The following MSI2 variants were observed in gnomAD, a reference collection of about 807,000 sequenced individuals.
MSI2 encodes musashi RNA binding protein 2.
A neutral mutation model predicts 45.6 loss-of-function variants in MSI2; 17 were observed. That is an observed-to-expected ratio of 0.37 (90% CI 0.26 to 0.56). The LOEUF (loss-of-function observed/expected upper bound fraction) is 0.56, where lower values mean the gene tolerates loss of function less well. Ranked by LOEUF, MSI2 falls within the 20% of genes least tolerant of loss-of-function variation. The pLI is 0.77. For missense variants in MSI2, 293 were observed against 444.2 expected, an observed-to-expected ratio of 0.66 and a Z score of 3.06; for synonymous variants, 156 against 158.2, an observed-to-expected ratio of 0.99 and a Z score of 0.11.
chr17:57,477,475 C>T (rs1002845914), intron 6 of MSI2, among the ~76,000 whole-genome samples: 9 of 152,048 alleles, frequency 5.9e-5, no homozygotes, highest in Admixed American at 4.6e-4. Flanking sequence ...AGTAGTTAAC[C>T]GAAACCCATG....
At chr17:57,565,940 G>A (rs571850228) in intron 7 of MSI2, 68 of 152,292 alleles carry the variant, frequency 4.5e-4, no homozygotes, top group African/African-American at 1.5e-3. Flanking sequence ...AGCGATTTAC[G>A]AAGAGCAAAT....
chr17:57,387,277 C>T (rs1261524932), intron 5 of MSI2, among the ~76,000 whole-genome samples: 3 of 152,190 alleles, frequency 2.0e-5, no homozygotes, highest in Non-Finnish European at 2.9e-5. Context: ...AAGTTCCTGG[C>T]GGACTGAGTT....
intron 8 of MSI2, among the ~76,000 whole-genome samples, chr17:57,598,159 T>C (rs903294237): frequency 5.3e-5 from 8 of 152,188 alleles, no homozygotes; most frequent in Non-Finnish European, 1.2e-4. Flanking sequence ...GCAAAAACAT[T>C]TTGGTTGGCC....
rs554474213 is a variant in MSI2 at position 57,652,420 on chromosome 17, C to A, written c.790+259C>A. On this transcript the variant is annotated intron_variant, in intron 11 of 13. Coordinates refer to ENST00000284073, the MANE Select transcript of MSI2 (RefSeq NM_138962.4). This position sits in a 1 kb window ranked among gnomAD's most constrained non-coding sequence, Gnocchi z 4.1. ...ATTATTCTCTCCTTGAAAAAAAAAA[C>A]AAACCTGAGTTTCTTTTTGACTTTG... is the stretch of plus-strand genomic sequence containing the variant. 5.9e-5 allele frequency among the ~76,000 whole-genome samples: 9 copies of A among 151,694 alleles called. No individual in the cohort carries two copies. Among genetic ancestry groups the A allele is most frequent in the East Asian group, 5.8e-4 (3 of 5,172 alleles).
intron 7 of MSI2, among the ~76,000 whole-genome samples, chr17:57,565,255 G>A (rs2087699814): frequency 6.6e-6 from 1 of 152,206 alleles, no homozygotes; most frequent in Non-Finnish European, 1.5e-5. Flanking sequence ...AAGAGATCAT[G>A]CTGGATTTCC....
chr17:57,417,940 C>A (rs1259033893), intron 6 of MSI2, among the ~76,000 whole-genome samples: 3 of 152,188 alleles, frequency 2.0e-5, no homozygotes, highest in African/African-American at 7.2e-5. Flanking sequence ...TTGTTCCTTC[C>A]TCCCTGTGTC....
At chr17:57,658,538 G>A (rs1295874259) in intron 11 of MSI2, among the ~76,000 whole-genome samples, 2 of 152,176 alleles carry the variant, frequency 1.3e-5, no homozygotes, top group African/African-American at 4.8e-5. Flanking sequence ...CATTTTCCAA[G>A]GGCTTTCAGA....
intron 11 of MSI2, among the ~76,000 whole-genome samples, chr17:57,657,823 G>C (rs990467576): frequency 6.6e-6 from 1 of 152,118 alleles, no homozygotes. Context: ...TAAGCTTTAG[G>C]GTTCCCAGGT....
At chr17:57,551,069 T>A (rs1362863584) in intron 7 of MSI2, among the ~76,000 whole-genome samples, 1 of 152,158 alleles carries the variant, frequency 6.6e-6, no homozygotes, top group Non-Finnish European at 1.5e-5. Context: ...CTTCTCCCGG[T>A]GCTTTTTTGA....
downstream of MSI2, among the ~76,000 whole-genome samples, chr17:57,687,046 T>G (rs1339558289): frequency 6.7e-6 from 1 of 150,268 alleles, no homozygotes; most frequent in Non-Finnish European, 1.5e-5. Flanking sequence ...AATTAACATG[T>G]GGCTATAAAT....
chr17:57,389,209 C>A (rs896259831), intron 5 of MSI2, among the ~76,000 whole-genome samples: 3 of 152,098 alleles, frequency 2.0e-5, no homozygotes, highest in African/African-American at 7.2e-5. Flanking sequence ...AAACTCCTGA[C>A]CTCATGATCC....
rs11649815 is a variant in MSI2 at position 57,258,475 on chromosome 17, T to C, written c.270+121T>C. 3,442 of 876,172 alleles carry C rather than the reference T, an allele frequency of 3.9e-3. 9 individuals are homozygous for C. The highest frequency in any genetic ancestry group is 5.3e-3 in the Non-Finnish European group (2,832 of 529,858). The allele number at this position is 876,172 out of a possible 1,614,324, so 54.3% of individuals were successfully genotyped here. ...GTGCTAGAACTGGGTAGTTTTAAAC[T>C]GAGCTAGCGAGTTGGCTCAAAAGTT... On this transcript the variant is annotated intron_variant, in intron 4 of 13. Transcript: ENST00000284073.
chr17:57,516,243 C>T (rs2086467520), intron 6 of MSI2, among the ~76,000 whole-genome samples: 1 of 152,182 alleles, frequency 6.6e-6, no homozygotes, highest in Non-Finnish European at 1.5e-5. Flanking sequence ...TGATCTGTTC[C>T]TCATCACAAT....
intron 6 of MSI2, among the ~76,000 whole-genome samples, chr17:57,425,010 C>T (rs943189504): frequency 2.6e-5 from 4 of 152,108 alleles, no homozygotes; most frequent in South Asian, 2.1e-4. Context: ...GTTAGTCATC[C>T]GGCCCTGCAG....
At chr17:57,423,729 A>G (rs1320800096) in intron 6 of MSI2, among the ~76,000 whole-genome samples, 1 of 151,858 alleles carries the variant, frequency 6.6e-6, no homozygotes, top group Admixed American at 6.6e-5. Flanking sequence ...AATTTTTCAT[A>G]CCCACCCAGC....
intron 9 of MSI2, among the ~76,000 whole-genome samples, chr17:57,620,822 A>G (rs905810232): frequency 4.6e-5 from 7 of 152,212 alleles, no homozygotes; most frequent in Non-Finnish European, 7.3e-5. Context: ...TGTGTCCTTC[A>G]GCCAGGAACC....
intron 6 of MSI2, among the ~76,000 whole-genome samples, chr17:57,426,882 A>T (rs1183227343): frequency 1.3e-5 from 2 of 152,260 alleles, no homozygotes; most frequent in African/African-American, 4.8e-5. Flanking sequence ...GCATGGCCTG[A>T]CAGAGAAGTG....
chr17:57,607,191 G>T (rs1020018850), intron 8 of MSI2, among the ~76,000 whole-genome samples: 1 of 152,194 alleles, frequency 6.6e-6, no homozygotes, highest in African/African-American at 2.4e-5. Context: ...AAATTACAAG[G>T]ATGTTGTGGC....
At chr17:57,593,677 T>G (rs550360811) in intron 7 of MSI2, among the ~76,000 whole-genome samples, 50 of 152,242 alleles carry the variant, frequency 3.3e-4, no homozygotes, top group Middle Eastern at 6.8e-3. Flanking sequence ...AGGACATGGA[T>G]GTATGTTTGG....
Sources: gnomAD v4.1 joint callset for allele counts (sites outside exome capture counted in the v4.1 genomes callset) on GRCh38, gnomAD v4.1.1 for gene constraint, Gnocchi (gnomAD v3.1) non-coding constraint, MANE v1.5 for transcripts, NCBI Gene and HGNC (gene_info 2026-07-23, HGNC 2026-07-21) for gene names.